The following GPC6 variants were observed in gnomAD, a reference collection of about 807,000 sequenced individuals.
The protein encoded by GPC6 is glypican 6.
In GPC6, 14 loss-of-function variants were observed where a neutral mutation model predicts 55.2. The observed-to-expected ratio is 0.25, with a 90% CI of 0.17 to 0.40. GPC6 has a LOEUF of 0.40. Ranked by LOEUF, GPC6 falls within the 10% of genes least tolerant of loss-of-function variation. The probability of loss-of-function intolerance (pLI) is 1.00; values close to 1 mark genes in which losing one functional copy is unlikely to be tolerated. For synonymous variants in GPC6, 278 were observed against 259.6 expected, an observed-to-expected ratio of 1.07 and a Z score of -0.68; for missense variants, 641 against 708.5, an observed-to-expected ratio of 0.90 and a Z score of 1.08.
intron 4 of GPC6, among the ~76,000 whole-genome samples, chr13:94,260,565 G>A (rs1891627467): frequency 6.6e-6 from 1 of 151,976 alleles, no homozygotes; most frequent in Non-Finnish European, 1.5e-5. Context: ...AATGGATTAG[G>A]GCCCATCCAT....
chr13:93,549,118 T>C (rs1874986745), intron 2 of GPC6, among the ~76,000 whole-genome samples: 1 of 152,168 alleles, frequency 6.6e-6, no homozygotes, highest in African/African-American at 2.4e-5. Context: ...AGCCCAGCTT[T>C]TCTGTTGCTC....
chr13:93,529,415 G>A (rs1426582615), intron 1 of GPC6, among the ~76,000 whole-genome samples: 1 of 151,816 alleles, frequency 6.6e-6, no homozygotes, highest in African/African-American at 2.4e-5. Context: ...TAGGTGGGTG[G>A]ATGTCCAGGA....
At chr13:93,752,582 T>C (rs1884635779) in intron 2 of GPC6, among the ~76,000 whole-genome samples, 1 of 152,124 alleles carries the variant, frequency 6.6e-6, no homozygotes, top group African/African-American at 2.4e-5. Context: ...ATTGATATCT[T>C]TGGGAAAGGT....
intron 2 of GPC6, among the ~76,000 whole-genome samples, chr13:93,750,224 T>C (rs898746187): frequency 3.9e-5 from 6 of 152,170 alleles, no homozygotes; most frequent in South Asian, 2.1e-4. Context: ...GTAGTGAAGA[T>C]TCCAATGATC....
At chr13:93,647,033 C>T (rs1329517846) in intron 2 of GPC6, among the ~76,000 whole-genome samples, 2 of 151,944 alleles carry the variant, frequency 1.3e-5, no homozygotes, top group East Asian at 1.9e-4. Flanking sequence ...CCAGGGACTC[C>T]GTGATATTAA....
intron 3 of GPC6, among the ~76,000 whole-genome samples, chr13:93,940,866 C>A (rs375353128): frequency 6.6e-6 from 1 of 151,846 alleles, no homozygotes; most frequent in South Asian, 2.1e-4. Flanking sequence ...TTGTTCATGG[C>A]GGGAGGGGTG....
Position 93,545,043 on chromosome 13 carries a change from A to G in GPC6, c.161-220A>G, listed in dbSNP as rs147074545. 2.2e-3 allele frequency among the ~76,000 whole-genome samples: 338 copies of G among 152,318 alleles called. 2 individuals are homozygous for G. Among genetic ancestry groups the G allele is most frequent in the African/African-American group, 7.7e-3 (320 of 41,578 alleles). On this transcript the variant is annotated intron_variant, in intron 1 of 8. Coordinates refer to ENST00000377047, the MANE Select transcript of GPC6 (RefSeq NM_005708.5). ...GTTTTAATGCACCTTCACTTATATG[A>G]TGAGGAACAGAGACTAAATATCGGG... is the stretch of plus-strand genomic sequence containing the variant.
intron 3 of GPC6, among the ~76,000 whole-genome samples, chr13:93,917,738 C>T (rs1877361326): frequency 6.6e-6 from 1 of 152,220 alleles, no homozygotes; most frequent in Non-Finnish European, 1.5e-5. Context: ...ACCCCAGCCA[C>T]ATGAGAACCC....
chr13:93,823,142 C>A (rs1887115661), intron 2 of GPC6, among the ~76,000 whole-genome samples: 1 of 152,002 alleles, frequency 6.6e-6, no homozygotes, highest in Non-Finnish European at 1.5e-5. Context: ...GGATTACAGG[C>A]ATGAGCCACC....
At chr13:94,397,523 A>G (rs1248113564) in intron 7 of GPC6, among the ~76,000 whole-genome samples, 1 of 152,200 alleles carries the variant, frequency 6.6e-6, no homozygotes, top group Non-Finnish European at 1.5e-5. Flanking sequence ...CTATTACAAA[A>G]TAAAAACCCT....
intron 1 of GPC6, among the ~76,000 whole-genome samples, chr13:93,472,878 C>CA (rs1362055545): frequency 1.3e-5 from 2 of 152,196 alleles, no homozygotes; most frequent in Admixed American, 1.3e-4. Context: ...CAGAACACCT[C>CA]AGTCTCCCAC....
Position 93,506,765 on chromosome 13 carries a change from G to A in GPC6, c.161-38498G>A, listed in dbSNP as rs531117465. Among the ~76,000 whole-genome samples, 11 of 150,984 alleles carry A rather than the reference G, an allele frequency of 7.3e-5. No individual in the cohort carries two copies. In the South Asian group the frequency reaches 1.7e-3, roughly 23 times the overall value. On this transcript the variant is annotated intron_variant, in intron 1 of 8. Transcript: ENST00000377047. ...CTTTAAAAAGCCCGGAGTAGGCCGG[G>A]CGTGGTGGCTCACACCTGTAATCCC...
chr13:93,368,296 C>T (rs1308811340), intron 1 of GPC6, among the ~76,000 whole-genome samples: 3 of 144,800 alleles, frequency 2.1e-5, no homozygotes, highest in Non-Finnish European at 4.6e-5. Flanking sequence ...TCCCTCCCTC[C>T]CTCTCTCCTT....
At chr13:93,959,862 G>T (rs1163888259) in intron 3 of GPC6, among the ~76,000 whole-genome samples, 1 of 152,158 alleles carries the variant, frequency 6.6e-6, no homozygotes, top group Non-Finnish European at 1.5e-5. Context: ...TAAGTAAACT[G>T]CTCAAGATCA....
chr13:93,999,105 G>A (rs972406900), intron 3 of GPC6, among the ~76,000 whole-genome samples: 2 of 152,004 alleles, frequency 1.3e-5, no homozygotes, highest in Non-Finnish European at 2.9e-5. Context: ...AGGTATACAC[G>A]TGCCATGGTG....
chr13:93,636,690 A>C (rs1236583284), intron 2 of GPC6, among the ~76,000 whole-genome samples: 1 of 152,204 alleles, frequency 6.6e-6, no homozygotes, highest in Admixed American at 6.6e-5. Context: ...TGGGCCCCCA[A>C]AATAAGGAGA....
At chr13:94,073,507 G>A (rs1884806963) in intron 4 of GPC6, among the ~76,000 whole-genome samples, 1 of 152,134 alleles carries the variant, frequency 6.6e-6, no homozygotes, top group South Asian at 2.1e-4. Flanking sequence ...GGGTAGTACT[G>A]GACATAAGCA....
At chr13:94,110,813 G>A (rs1311707620) in intron 4 of GPC6, among the ~76,000 whole-genome samples, 5 of 152,106 alleles carry the variant, frequency 3.3e-5, no homozygotes, top group Non-Finnish European at 7.4e-5. Flanking sequence ...TCAGTGTTAA[G>A]CTATATATTA....
At chr13:94,270,964 ATTTTTTTTTTTTTTTTTTTTTTTTTT>A (rs764819082) in intron 4 of GPC6, among the ~76,000 whole-genome samples, 4 of 49,578 alleles carry the variant, frequency 8.1e-5, no homozygotes, top group Non-Finnish European at 1.1e-4. Flanking sequence ...GAGAAGTATA[ATTTTTTTTTTTTTTTTTTTTTTTTTT>A]TTTTTTTTTT....
Sources: gnomAD v4.1 joint callset for allele counts (sites outside exome capture counted in the v4.1 genomes callset) on GRCh38, gnomAD v4.1.1 for gene constraint, MANE v1.5 for transcripts, NCBI Gene and HGNC (gene_info 2026-07-23, HGNC 2026-07-21) for gene names.